Variants in SOD2 observed in about 807,000 individuals in gnomAD.
SOD2 encodes the protein superoxide dismutase 2.
In SOD2, 11 loss-of-function variants were observed where a neutral mutation model predicts 27.0. The observed-to-expected ratio is 0.41, with a 90% CI of 0.26 to 0.67. The LOEUF is 0.67. SOD2 is among the 30% of genes least tolerant of loss of function. SOD2 has a pLI of 0.34. For synonymous variants in SOD2, 105 were observed against 103.0 expected (o/e 1.02, Z -0.12); for missense variants, 250 against 274.5 (o/e 0.91, Z 0.63).
chr6:159,703,004 A>G (rs1229285946), intron 1 of SOD2, among the ~76,000 whole-genome samples: 7 of 151,902 alleles, frequency 4.6e-5, no homozygotes, highest in African/African-American at 1.7e-4. Flanking sequence ...GCCAACAGTG[A>G]AACCTCATCT....
intron 1 of SOD2, chr6:159,713,970 C>T (rs1202116397): frequency 4.8e-6 from 4 of 835,282 alleles, no homozygotes; most frequent in Non-Finnish European, 7.6e-6. Context: ...CCCTCCCTGC[C>T]TTCCGTGCTC....
exon 1 of SOD2, chr6:159,762,186 G>T (rs1047674427): frequency 6.9e-6 from 11 of 1,589,570 alleles, no homozygotes; most frequent in Non-Finnish European, 9.4e-6. Context: ...GGCGCCTGCT[G>T]CTTCGGCAGG....
intron 1 of SOD2, among the ~76,000 whole-genome samples, chr6:159,723,566 ATC>A (rs1778081220): frequency 6.6e-6 from 1 of 152,212 alleles, no homozygotes; most frequent in South Asian, 2.1e-4. Context: ...AGAAACCAAG[ATC>A]TCAGTGTCAG....
intron 1 of SOD2, among the ~76,000 whole-genome samples, chr6:159,708,350 G>C (rs529731413): frequency 6.6e-6 from 1 of 152,204 alleles, no homozygotes; most frequent in Non-Finnish European, 1.5e-5. Context: ...CAGATGACAC[G>C]ATTGTGTATC....
At chr6:159,713,265 C>T in intron 1 of SOD2, 1 of 709,456 alleles carries the variant, frequency 1.4e-6, no homozygotes, top group African/African-American at 1.8e-5. Context: ...CCACGATAGT[C>T]ATCATAGCCT....
At chr6:159,757,470 T>TGGCACCATCGTG (rs896538588) in intron 1 of SOD2, among the ~76,000 whole-genome samples, 7 of 151,472 alleles carry the variant, frequency 4.6e-5, no homozygotes, top group African/African-American at 1.7e-4. Flanking sequence ...TGGAGTGCAG[T>TGGCACCATCGTG]GGCACCATCG....
intron 1 of SOD2, among the ~76,000 whole-genome samples, chr6:159,737,717 C>G (rs1779006803): frequency 6.6e-6 from 1 of 152,062 alleles, no homozygotes; most frequent in Admixed American, 6.5e-5. Context: ...ATCTTGAACT[C>G]CCGAGTTCAA....
intron 3 of SOD2, among the ~76,000 whole-genome samples, chr6:159,686,374 C>T (rs1313095493): frequency 6.6e-6 from 1 of 152,128 alleles, no homozygotes; most frequent in African/African-American, 2.4e-5. Context: ...TGGCCAGGCA[C>T]GGTGGCTCAC....
chr6:159,685,707 A>C (rs1425374274), intron 3 of SOD2, among the ~76,000 whole-genome samples: 1 of 150,316 alleles, frequency 6.7e-6, no homozygotes, highest in African/African-American at 2.4e-5. Context: ...CTCTGTCCTC[A>C]GTGTCTGTTG....
At chr6:159,709,699 G>C (rs1485406758) in intron 1 of SOD2, among the ~76,000 whole-genome samples, 1 of 152,194 alleles carries the variant, frequency 6.6e-6, no homozygotes, top group Non-Finnish European at 1.5e-5. Context: ...CATTGTGGAA[G>C]ACAGTGTGGC....
In SOD2 at chr6:159,674,829, A is replaced by T. The variant is rs1027810688; in HGVS notation, c.*7664T>A. ...ATTGTCCCTGTTTGCAGATGACATG[A>T]TTTTATATTTAGAAAACCCCATCAT... On this transcript the variant is annotated 3_prime_UTR_variant, in exon 5 of 5. Transcript: ENST00000538183. The T allele has an allele frequency of 6.6e-6, 1 of 152,238 alleles. No homozygotes were observed. The highest frequency in any genetic ancestry group is 1.5e-5 in the Non-Finnish European group (1 of 68,048). The allele number at this position is 152,238 out of a possible 1,614,324, so 9.4% of individuals were successfully genotyped here. A position where few individuals can be genotyped will look rare whatever the true frequency, so the allele number is the denominator to read the frequency against.
upstream of SOD2, chr6:159,727,605 TC>T: frequency 9.1e-6 from 9 of 986,242 alleles, no homozygotes; most frequent in Non-Finnish European, 1.1e-5. Flanking sequence ...GGCAGAGCTG[TC>T]CGGCTGCGCG....
At chr6:159,726,128 C>T (rs1262352202) in intron 1 of SOD2, 2 of 152,426 alleles carry the variant, frequency 1.3e-5, no homozygotes, top group Non-Finnish European at 2.9e-5. Context: ...AGAATAAACA[C>T]AAGTAATTTT....
chr6:159,675,193 A>T lies in SOD2; in HGVS notation c.*7300T>A, dbSNP rs1172477652. 2 of 152,230 alleles carry T rather than the reference A, an allele frequency of 1.3e-5. No homozygotes were observed. The highest frequency in any genetic ancestry group is 2.9e-5 in the Non-Finnish European group (2 of 68,050). 9.4% of individuals were successfully genotyped at this position (152,230 alleles called of 1,614,324 possible). A position where few individuals can be genotyped will look rare whatever the true frequency, so the allele number is the denominator to read the frequency against. The stretch of plus-strand genomic sequence containing the variant: ...CTGCCCAAGGTAATTTATAGATTCA[A>T]TGCCATCCCCATCAAGCTACCCATG... On this transcript the variant is annotated 3_prime_UTR_variant, in exon 5 of 5. Coordinates refer to ENST00000538183, the MANE Select transcript of SOD2 (RefSeq NM_000636.4).
intron 1 of SOD2, 82 bp from the exon 2 acceptor site, chr6:159,692,945 G>C: frequency 7.2e-7 from 1 of 1,381,456 alleles, no homozygotes; most frequent in South Asian, 1.5e-5. Flanking sequence ...ACGGCAGCGC[G>C]CGGCGTCCCC....
At chr6:159,682,887 C>T (rs1233411460) in intron 4 of SOD2, among the ~76,000 whole-genome samples, 1 of 152,064 alleles carries the variant, frequency 6.6e-6, no homozygotes, top group Non-Finnish European at 1.5e-5. Context: ...AAATTAACAA[C>T]AGTACTTTAA....
upstream of SOD2, among the ~76,000 whole-genome samples, chr6:159,747,152 A>G (rs1410343097): frequency 6.6e-6 from 1 of 152,204 alleles, no homozygotes; most frequent in African/African-American, 2.4e-5. Context: ...ATGGAGTTAG[A>G]TCTTGGGCCA....
intron 1 of SOD2, among the ~76,000 whole-genome samples, chr6:159,706,108 C>G (rs1213528813): frequency 2.0e-5 from 3 of 152,180 alleles, no homozygotes; most frequent in Non-Finnish European, 4.4e-5. Context: ...ACAAGAGCTC[C>G]TGAAGGAAGC....
chr6:159,744,862 A>G (rs1257058260), intron 1 of SOD2, among the ~76,000 whole-genome samples: 2 of 152,100 alleles, frequency 1.3e-5, no homozygotes, highest in South Asian at 2.1e-4. Flanking sequence ...TAATTTTTGT[A>G]GAGATGAGGT....
Sources: gnomAD v4.1 joint callset for allele counts (sites outside exome capture counted in the v4.1 genomes callset) on GRCh38, gnomAD v4.1.1 for gene constraint, MANE v1.5 for transcripts, NCBI Gene and HGNC (gene_info 2026-07-23, HGNC 2026-07-21) for gene names.